The following ZNF438 variants were observed in gnomAD, a reference collection of about 807,000 sequenced individuals.
ZNF438 encodes zinc finger protein 438.
In ZNF438, 25 loss-of-function variants were observed where a neutral mutation model predicts 38.0. The observed-to-expected ratio is 0.66, with a 90% CI of 0.48 to 0.92. The LOEUF (loss-of-function observed/expected upper bound fraction) is 0.92, where lower values mean the gene tolerates loss of function less well. Among genes scored for constraint, ZNF438 ranks in the 40% least tolerant of loss-of-function variants. ZNF438 has a pLI of 0.00. For missense variants in ZNF438, 1,007 were observed against 999.6 expected (o/e 1.01, Z -0.10); for synonymous variants, 372 against 364.1 (o/e 1.02, Z -0.25).
chr10:30,910,685 A>AG (rs1389406816), intron 2 of ZNF438, among the ~76,000 whole-genome samples: 1 of 146,222 alleles, frequency 6.8e-6, no homozygotes, highest in Non-Finnish European at 1.5e-5. Context: ...ATATTGGCCA[A>AG]AAAAAAAAAA....
chr10:30,878,737 G>A (rs1302830500), intron 3 of ZNF438, among the ~76,000 whole-genome samples: 1 of 152,126 alleles, frequency 6.6e-6, no homozygotes, highest in South Asian at 2.1e-4. Context: ...GGGATCACAG[G>A]CACTCCCACC....
At chr10:30,956,811 A>G (rs532489262) in intron 1 of ZNF438, among the ~76,000 whole-genome samples, 4 of 152,172 alleles carry the variant, frequency 2.6e-5, no homozygotes, top group Admixed American at 2.0e-4. Context: ...GGTTGATTCC[A>G]TATCTTGGCT....
chr10:30,856,135 T>C (rs2034587364), intron 4 of ZNF438, among the ~76,000 whole-genome samples: 1 of 152,212 alleles, frequency 6.6e-6, no homozygotes, highest in African/African-American at 2.4e-5. Flanking sequence ...GCTCATGTCT[T>C]TTATTTTCCT....
Position 30,958,240 on chromosome 10 carries a change from G to C in ZNF438, c.-191-16589C>G, listed in dbSNP as rs933375096. 1.4e-5 allele frequency among the ~76,000 whole-genome samples: 2 copies of C among 146,858 alleles called. 1 individual carries two copies. The highest frequency in any genetic ancestry group is 4.9e-5 in the African/African-American group (2 of 41,058). On this transcript the variant is annotated intron_variant, in intron 1 of 5. Transcript: ENST00000413025. ...GTATAGAAAGGGGGCTCAAGAAACA[G>C]GTCTTCAGAAGAGAGTCTTCAGTTA...
At chr10:30,969,244 C>A (rs1564761168) in intron 1 of ZNF438, among the ~76,000 whole-genome samples, 1 of 151,980 alleles carries the variant, frequency 6.6e-6, no homozygotes. Context: ...GAAGAGGGAA[C>A]AAAAAAATCA....
At position 30,870,515 on chromosome 10, in the gene ZNF438, T is replaced by C. The variant is rs1302336302; in HGVS notation, c.37+6483A>G. On this transcript the variant is annotated intron_variant, in intron 4 of 5. Coordinates refer to ENST00000413025, the Ensembl canonical transcript of ZNF438. ...CAGCATAGTGCTGGGTGCTGTCTAGTGCTCCTAACACAAGAGAACTGGGAT... is the reference window on the plus strand; with the variant it reads ...CAGCATAGTGCTGGGTGCTGTCTAGCGCTCCTAACACAAGAGAACTGGGAT... Among the ~76,000 whole-genome samples the C allele has an allele frequency of 2.0e-5, 3 of 152,208 alleles. No homozygotes were observed. In the East Asian group the frequency reaches 5.8e-4, roughly 29 times the overall value.
At chr10:30,948,749 G>T (rs1216349732) in intron 1 of ZNF438, among the ~76,000 whole-genome samples, 1 of 151,646 alleles carries the variant, frequency 6.6e-6, no homozygotes, top group Non-Finnish European at 1.5e-5. Context: ...ATGGGACTAT[G>T]TGAAAAGACC....
At chr10:30,980,625 A>G (rs1564786777) in intron 1 of ZNF438, among the ~76,000 whole-genome samples, 1 of 152,234 alleles carries the variant, frequency 6.6e-6, no homozygotes, top group Non-Finnish European at 1.5e-5. Flanking sequence ...TGTTGAAAAG[A>G]CATAAAAATA....
chr10:31,009,285 G>T (rs985819488), intron 1 of ZNF438, among the ~76,000 whole-genome samples: 4 of 152,190 alleles, frequency 2.6e-5, no homozygotes, highest in Admixed American at 6.5e-5. Flanking sequence ...GAATTGGCAT[G>T]TGATTAAACA....
chr10:30,923,125 T>A (rs1457385174), intron 2 of ZNF438, among the ~76,000 whole-genome samples: 2 of 152,222 alleles, frequency 1.3e-5, no homozygotes, highest in East Asian at 3.8e-4. Context: ...AGTAGAAACA[T>A]TATTAAATAA....
rs72814470 is a variant in ZNF438, at chr10:30,980,956, C to T, written c.-191-39305G>A. ...TGCCTACTCTATTTCTGACTCCTGA[C>T]CAACTAACAATCTGAATAGCTACAT... On this transcript the variant is annotated intron_variant, in intron 1 of 5. Transcript: ENST00000413025. Among the ~76,000 whole-genome samples, 846 of 152,312 alleles carry T rather than the reference C, an allele frequency of 5.6e-3. 4 individuals are homozygous for T. Among genetic ancestry groups the T allele is most frequent in the Non-Finnish European group, 9.5e-3 (645 of 68,034 alleles).
chr10:30,864,401 G>T (rs2036084038), intron 4 of ZNF438, among the ~76,000 whole-genome samples: 1 of 152,284 alleles, frequency 6.6e-6, no homozygotes, highest in South Asian at 2.1e-4. Flanking sequence ...AGGGAGGCTG[G>T]CCTGTGACCA....
At chr10:31,004,677 T>C (rs1025750929) in intron 1 of ZNF438, among the ~76,000 whole-genome samples, 1 of 152,162 alleles carries the variant, frequency 6.6e-6, no homozygotes, top group Admixed American at 6.5e-5. Context: ...CATCCAGTTC[T>C]GAGATTGGAG....
At chr10:30,948,292 G>A (rs1306534978) in intron 1 of ZNF438, among the ~76,000 whole-genome samples, 2 of 152,070 alleles carry the variant, frequency 1.3e-5, no homozygotes, top group African/African-American at 4.8e-5. Flanking sequence ...AAACCACAAA[G>A]ATGGGGAAAA....
intron 4 of ZNF438, among the ~76,000 whole-genome samples, chr10:30,866,698 G>GT (rs2036489393): frequency 6.6e-6 from 1 of 152,106 alleles, no homozygotes; most frequent in African/African-American, 2.4e-5. Context: ...GCCGAGCGTG[G>GT]TGACAGGCAC....
chr10:31,024,729 T>C (rs887266713), intron 1 of ZNF438, among the ~76,000 whole-genome samples: 1 of 152,200 alleles, frequency 6.6e-6, no homozygotes, highest in African/African-American at 2.4e-5. Flanking sequence ...TGTTTCTTCA[T>C]TGGTCTAATA....
chr10:30,884,041 A>T (rs1196543414), intron 3 of ZNF438, among the ~76,000 whole-genome samples: 1 of 152,232 alleles, frequency 6.6e-6, no homozygotes, highest in Admixed American at 6.5e-5. Flanking sequence ...ATAAAGTGAT[A>T]TTACAAAGTT....
chr10:31,020,960 G>C (rs1391666635), intron 1 of ZNF438, among the ~76,000 whole-genome samples: 1 of 151,632 alleles, frequency 6.6e-6, no homozygotes, highest in Admixed American at 6.6e-5. Context: ...TTTTACCACT[G>C]GATTATTCCT....
chr10:30,950,667 T>G (rs1207307825), intron 1 of ZNF438, among the ~76,000 whole-genome samples: 5 of 147,070 alleles, frequency 3.4e-5, no homozygotes, highest in South Asian at 2.2e-4. Context: ...ATAAATTCCT[T>G]GACACATACA....
Sources: gnomAD v4.1 joint callset for allele counts (sites outside exome capture counted in the v4.1 genomes callset) on GRCh38, gnomAD v4.1.1 for gene constraint, MANE v1.5 for transcripts, NCBI Gene and HGNC (gene_info 2026-07-23, HGNC 2026-07-21) for gene names.